UNC5A: variants seen among roughly 807,000 people sequenced by gnomAD.
UNC5A encodes the protein unc-5 netrin receptor A, also known as netrin receptor UNC5A.
Under a neutral mutation model 87.4 loss-of-function variants are expected in UNC5A, and 20 were observed. The ratio of observed to expected loss-of-function variants is 0.23; its 90% CI spans 0.16 to 0.33. The LOEUF (loss-of-function observed/expected upper bound fraction) is 0.33. Among genes scored for constraint, UNC5A ranks in the 10% least tolerant of loss-of-function variants. The pLI is 1.00. For synonymous variants in UNC5A, 438 were observed against 482.3 expected (o/e 0.91, Z 1.20); for missense variants, 844 against 1,133.4 (o/e 0.74, Z 3.67).
intron 1 of UNC5A, among the ~76,000 whole-genome samples, chr5:176,862,220 C>T (rs1757858000): frequency 6.6e-6 from 1 of 152,196 alleles, no homozygotes; most frequent in Admixed American, 6.5e-5. Context: ...GGGCTGCTCC[C>T]TCCCTCGCCC....
intron 1 of UNC5A, among the ~76,000 whole-genome samples, chr5:176,859,989 A>G (rs1292422817): frequency 6.6e-6 from 1 of 152,242 alleles, no homozygotes; most frequent in Non-Finnish European, 1.5e-5. Flanking sequence ...TTAAATGCAG[A>G]CATGAGGGAT....
At chr5:176,816,900 A>T (rs1756600513) in intron 1 of UNC5A, among the ~76,000 whole-genome samples, 1 of 152,136 alleles carries the variant, frequency 6.6e-6, no homozygotes, top group Admixed American at 6.5e-5. Context: ...GCCTGAGGTG[A>T]GCTTCCCATT....
chr5:176,835,031 C>T lies in UNC5A; in HGVS notation c.70+24211C>T, dbSNP rs62402765. Among the ~76,000 whole-genome samples the T allele has an allele frequency of 9.4e-3, 1,437 of 152,342 alleles. 6 individuals carry two copies. Among genetic ancestry groups the T allele is most frequent in the Non-Finnish European group, 0.017 (1,142 of 68,026 alleles). On this transcript the variant is annotated intron_variant, in intron 1 of 14. Transcript: ENST00000329542. Reference sequence around the variant, plus strand: ...GGAGACACATGCCTGAGTGCAGCCACAAGCTCCATGAAAGCATTCAGAAAC... The same window carrying T: ...GGAGACACATGCCTGAGTGCAGCCATAAGCTCCATGAAAGCATTCAGAAAC...
intron 1 of UNC5A, among the ~76,000 whole-genome samples, chr5:176,830,498 GTGC>G (rs1335848933): frequency 6.7e-6 from 1 of 148,272 alleles, no homozygotes; most frequent in Non-Finnish European, 1.5e-5. Flanking sequence ...GCGTATGTGT[GTGC>G]TGCTGTGTGC....
chr5:176,820,905 TA>T (rs1756711427), intron 1 of UNC5A, among the ~76,000 whole-genome samples: 1 of 152,216 alleles, frequency 6.6e-6, no homozygotes, highest in African/African-American at 2.4e-5. Flanking sequence ...GCCTGCTCTT[TA>T]AGCTTCTGTT....
chr5:176,859,456 C>T, intron 1 of UNC5A, among the ~76,000 whole-genome samples: 1 of 149,540 alleles, frequency 6.7e-6, no homozygotes, highest in African/African-American at 2.5e-5. Context: ...GAGGGCATAG[C>T]TGCTAGAATG....
intron 1 of UNC5A, among the ~76,000 whole-genome samples, chr5:176,829,881 C>CCTTTTTTTTTTTTTTT (rs762042466): frequency 2.3e-5 from 2 of 87,320 alleles, no homozygotes; most frequent in African/African-American, 6.6e-5. Flanking sequence ...ATCACTGCTC[C>CCTTTTTTTTTTTTTTT]TTTTTTTTTT....
intron 4 of UNC5A, 42 bp from the exon 5 acceptor site, chr5:176,868,742 C>T (rs143265519): frequency 6.3e-7 from 1 of 1,587,680 alleles, no homozygotes; most frequent in Non-Finnish European, 8.6e-7. Flanking sequence ...CTGGGCAGGG[C>T]CAGCATGGGC....
rs1342680677 is a variant in UNC5A at position 176,810,731 on chromosome 5, C to T, written c.-20C>T. 9.9e-6 allele frequency: 11 copies of T among 1,107,722 alleles called. No individual in the cohort carries two copies. Among genetic ancestry groups the T allele is most frequent in the Non-Finnish European group, 1.1e-5 (10 of 906,310 alleles). The allele number at this position is 1,107,722 out of a possible 1,614,324, so 68.6% of individuals were successfully genotyped here. A position where few individuals can be genotyped will look rare whatever the true frequency, so the allele number is the denominator to read the frequency against. ...CCGCGGGGCCCCGCGCCCGGCCCGC[C>T]CGCCTGCCCGCCCGCGGCCATGGCC... On this transcript the variant is annotated 5_prime_UTR_variant, in exon 1 of 15. Transcript: ENST00000329542. This position sits in a 1 kb window ranked among gnomAD's most constrained non-coding sequence, Gnocchi z 7.3.
At chr5:176,846,069 G>A (rs111367222) in intron 1 of UNC5A, among the ~76,000 whole-genome samples, 3,081 of 152,202 alleles carry the variant, frequency 0.02, 97 homozygotes, top group African/African-American at 0.07. Flanking sequence ...GTTTGCACAG[G>A]GAGCTGGTCA....
At chr5:176,860,989 C>A (rs559773093) in intron 1 of UNC5A, among the ~76,000 whole-genome samples, 1 of 152,244 alleles carries the variant, frequency 6.6e-6, no homozygotes, top group South Asian at 2.1e-4. Context: ...ACAAACTGTC[C>A]GGCTATGTCC....
intron 1 of UNC5A, among the ~76,000 whole-genome samples, chr5:176,815,945 T>C (rs1756576327): frequency 6.6e-6 from 1 of 152,230 alleles, no homozygotes. Flanking sequence ...TTCATGCAAC[T>C]GTGTGTTGAT....
chr5:176,814,854 G>A (rs115748615), intron 1 of UNC5A, among the ~76,000 whole-genome samples: 1 of 152,206 alleles, frequency 6.6e-6, no homozygotes, highest in Non-Finnish European at 1.5e-5. Flanking sequence ...AGGGAGGGCT[G>A]CTATTGCTGG....
intron 1 of UNC5A, among the ~76,000 whole-genome samples, chr5:176,831,166 G>T (rs1238022697): frequency 6.6e-6 from 1 of 152,096 alleles, no homozygotes; most frequent in African/African-American, 2.4e-5. Context: ...TCGTTCTGCA[G>T]AAGCAACATC....
intron 1 of UNC5A, 147 bp from the exon 2 acceptor site, chr5:176,862,477 C>A: frequency 1.2e-6 from 1 of 800,982 alleles, no homozygotes; most frequent in Non-Finnish European, 2.1e-6. Flanking sequence ...GGTCATTGGC[C>A]TGAGATTGCC....
chr5:176,868,419 G>A (rs577653637), intron 3 of UNC5A, 142 bp from the exon 4 acceptor site: 69 of 1,451,886 alleles, frequency 4.8e-5, no homozygotes, highest in East Asian at 4.3e-4. Context: ...CTGTGGACAC[G>A]GCCCAGCCAC....
intron 2 of UNC5A, chr5:176,864,761 G>T (rs1366968949): frequency 2.2e-6 from 1 of 450,482 alleles, no homozygotes; most frequent in African/African-American, 2.0e-5. Context: ...CCTTGGGTTA[G>T]GTACTAGGAG....
chr5:176,828,054 C>A (rs977337334), intron 1 of UNC5A, among the ~76,000 whole-genome samples: 11 of 152,114 alleles, frequency 7.2e-5, no homozygotes, highest in African/African-American at 2.2e-4. Flanking sequence ...TTTCCCTCTG[C>A]AAGCCCCCTT....
chr5:176,874,100 A>G lies in UNC5A; in HGVS notation c.1019A>G (p.Asp340Gly). 1 of 1,613,670 alleles carries G rather than the reference A, an allele frequency of 6.2e-7. No individual in the cohort carries two copies. The highest frequency in any genetic ancestry group is 1.7e-5 in the Admixed American group (1 of 59,978). Residue 340 changes from aspartate to glycine, a missense_variant, in exon 7 of 15, where the codon GAC becomes GGC. Around this residue, in one of 3 missense-constraint regions of UNC5A, gnomAD observed 353 missense variants for 387.5 expected, o/e 0.91. Coordinates refer to ENST00000329542, the MANE Select transcript of UNC5A (RefSeq NM_133369.3). The surrounding 1 kb of genome is among the most constrained non-coding windows in gnomAD (Gnocchi z 7.6). Reference sequence around the variant, plus strand: ...GAGGGGCTGGACTCAGATGTGGCTGACTCGTCCATTCTCACCTCAGGCTTC... The same window carrying G: ...GAGGGGCTGGACTCAGATGTGGCTGGCTCGTCCATTCTCACCTCAGGCTTC... Reference protein sequence around the residue: ...KKEGLDSDVADSSILTSGFQP... With the variant: ...KKEGLDSDVAGSSILTSGFQP...
Sources: gnomAD v4.1 joint callset for allele counts (sites outside exome capture counted in the v4.1 genomes callset) on GRCh38, gnomAD v4.1.1 for gene constraint, gnomAD v4.1.1 regional missense constraint, Gnocchi (gnomAD v3.1) non-coding constraint, MANE v1.5 for transcripts, NCBI Gene and HGNC (gene_info 2026-07-23, HGNC 2026-07-21) for gene names.